Variants in MED23 observed in about 807,000 individuals in gnomAD.
The protein encoded by MED23 is mediator of RNA polymerase II transcription subunit 23.
In MED23, 105 loss-of-function variants were observed where a neutral mutation model predicts 163.9. That is an observed-to-expected ratio of 0.64 (90% CI 0.55 to 0.75). The LOEUF is 0.75. MED23 is among the 30% of genes least tolerant of loss of function. The probability of loss-of-function intolerance (pLI) is 0.00; values close to 1 mark genes in which losing one functional copy is unlikely to be tolerated. For synonymous variants in MED23, 561 were observed against 565.6 expected (o/e 0.99, Z 0.12); for missense variants, 1,054 against 1,649.0 (o/e 0.64, Z 6.25).
At chr6:131,591,732 T>C (rs1774650858) in intron 25 of MED23, 1 of 611,968 alleles carries the variant, frequency 1.6e-6, no homozygotes, top group African/African-American at 1.8e-5. Context: ...TCCATACATG[T>C]ATCTGTCCAG....
In MED23 at chr6:131,591,616, A is replaced by G. The variant is rs1774642981; in HGVS notation, c.3472-89T>C. On this transcript the variant is annotated intron_variant, in intron 25 of 28. Transcript: ENST00000368068. ...AAGTAATAGTGTTTTCTCATTCTTT[A>G]AAGTTTTCTATTTTTCCAGCTTCTG... The G allele has an allele frequency of 1.1e-5, 12 of 1,049,732 alleles. No individual in the cohort carries two copies. In the South Asian group the frequency reaches 1.2e-4, roughly 10 times the overall value. 65.0% of individuals were successfully genotyped at this position (1,049,732 alleles called of 1,614,324 possible).
Position 131,594,278 on chromosome 6 carries a change from T to A in MED23, c.3053A>T (p.Asp1018Val), listed in dbSNP as rs1315854706. The A allele has an allele frequency of 1.2e-6, 2 of 1,614,008 alleles. No individual in the cohort carries two copies. Among genetic ancestry groups the A allele is most frequent in the Admixed American group, 1.7e-5 (1 of 59,988 alleles). ...TLHYYEMHLR[D>V]RAFLKRKLVH... ...GAGTTTTCGTTTGAGAAATGCGCGG[T>A]CTCTCAGGTGCATTTCATAATAGTG... Residue 1018 changes from aspartate (D) to valine (V), a missense_variant, in exon 23 of 29, where the codon GAC becomes GTC. Asp to Val is a radical substitution (Grantham distance 152). This residue lies in a region of MED23 where 362 missense variants were observed against 471.6 expected (regional missense o/e 0.77). Coordinates refer to ENST00000368068, the MANE Select transcript of MED23 (RefSeq NM_004830.4).
At chr6:131,575,516 G>A (rs1356038113) in intron 30 of MED23, among the ~76,000 whole-genome samples, 1 of 152,156 alleles carries the variant, frequency 6.6e-6, no homozygotes, top group Non-Finnish European at 1.5e-5. Context: ...GTCCCTTGCT[G>A]CCAGGGACAG....
chr6:131,580,834 A>G (rs1276596601), intron 30 of MED23, among the ~76,000 whole-genome samples: 2 of 152,212 alleles, frequency 1.3e-5, no homozygotes, highest in Non-Finnish European at 2.9e-5. Flanking sequence ...AAGAGAGATG[A>G]GTGTACAGAA....
intron 1 of MED23, 121 bp downstream of exon 1, chr6:131,627,890 A>C (rs1413679803): frequency 7.4e-7 from 1 of 1,345,704 alleles, no homozygotes; most frequent in African/African-American, 1.4e-5. Context: ...CTCGGTGTCA[A>C]AACAAGGGAA....
chr6:131,600,231 C>T (rs962526210), intron 17 of MED23, 69 bp from the exon 18 acceptor site: 33 of 1,418,004 alleles, frequency 2.3e-5, no homozygotes, highest in African/African-American at 4.3e-5. Context: ...AAGATTATAG[C>T]GAAAATAATA....
At chr6:131,574,852 A>T (rs987960674) in intron 30 of MED23, among the ~76,000 whole-genome samples, 1 of 152,224 alleles carries the variant, frequency 6.6e-6, no homozygotes, top group East Asian at 1.9e-4. Flanking sequence ...GTTAAAAAAA[A>T]GCCCAGAGAG....
chr6:131,597,728 A>G (rs999325407), intron 20 of MED23, among the ~76,000 whole-genome samples: 4 of 152,104 alleles, frequency 2.6e-5, no homozygotes, highest in African/African-American at 9.7e-5. Flanking sequence ...TATTTTATTT[A>G]CTTCTGTACC....
intron 9 of MED23, among the ~76,000 whole-genome samples, 192 bp downstream of exon 9, chr6:131,618,215 G>C (rs551404941): frequency 6.6e-6 from 1 of 152,268 alleles, no homozygotes; most frequent in African/African-American, 2.4e-5. Context: ...GACCACTGGA[G>C]CATAAACACC....
At chr6:131,619,988 G>T in intron 7 of MED23, 92 bp from the exon 8 acceptor site, 2 of 815,710 alleles carry the variant, frequency 2.5e-6, no homozygotes, top group South Asian at 1.4e-5. Flanking sequence ...TATATAAAAT[G>T]AGATAATATA....
At chr6:131,602,697 A>C (rs1775574739) in intron 16 of MED23, among the ~76,000 whole-genome samples, 1 of 152,158 alleles carries the variant, frequency 6.6e-6, no homozygotes, top group South Asian at 2.1e-4. Flanking sequence ...AAGCAAAATC[A>C]ATGTGACATG....
At chr6:131,603,258 G>C in intron 15 of MED23, 54 bp from the exon 16 acceptor site, 1 of 1,549,582 alleles carries the variant, frequency 6.5e-7, no homozygotes, top group Non-Finnish European at 8.9e-7. Context: ...TGCATGAAAA[G>C]ATATTTGAAG....
chr6:131,627,352 G>C (rs754034336), intron 3 of MED23, 44 bp downstream of exon 3: 1 of 1,387,384 alleles, frequency 7.2e-7, no homozygotes, highest in Non-Finnish European at 1.0e-6. Flanking sequence ...AAAAAGAAGA[G>C]GCCAAAAATC....
intron 26 of MED23, among the ~76,000 whole-genome samples, chr6:131,591,091 C>T (rs1385023253): frequency 6.6e-6 from 1 of 151,660 alleles, no homozygotes; most frequent in African/African-American, 2.4e-5. Context: ...AGTGATTCTC[C>T]TGCCTTAGCC....
At chr6:131,622,719 ACTAATAATTATCT>A (rs2114769011) in intron 5 of MED23, among the ~76,000 whole-genome samples, 1 of 152,352 alleles carries the variant, frequency 6.6e-6, no homozygotes, top group Non-Finnish European at 1.5e-5. Context: ...CATGATTTAA[ACTAATAATTATCT>A]GTTAGGTCAT....
intron 3 of MED23, chr6:131,627,087 C>A: frequency 3.6e-6 from 1 of 275,880 alleles, no homozygotes; most frequent in Non-Finnish European, 6.8e-6. Flanking sequence ...CTTAACATAT[C>A]TGTTTTCAAG....
At position 131,586,962 on chromosome 6, in the gene MED23, TA is replaced by T. The variant is rs1386745257; in HGVS notation, c.*716del. ...CCTGCAAAAGCAATTAACTTATTTTTAAAAAAAGAAATTGGAGAATCAACCA... is the reference window on the plus strand; with the variant it reads ...CCTGCAAAAGCAATTAACTTATTTTTAAAAAAGAAATTGGAGAATCAACCA... On this transcript the variant is annotated 3_prime_UTR_variant, in exon 29 of 29. Coordinates refer to ENST00000368068, the MANE Select transcript of MED23 (RefSeq NM_004830.4). 4.0e-6 allele frequency: 6 copies of T among 1,486,832 alleles called. No individual in the cohort carries two copies. Among genetic ancestry groups the T allele is most frequent in the African/African-American group, 1.4e-5 (1 of 70,936 alleles). The allele number at this position is 1,486,832 out of a possible 1,614,324, so 92.1% of individuals were successfully genotyped here. A position where few individuals can be genotyped will look rare whatever the true frequency, so the allele number is the denominator to read the frequency against.
At chr6:131,580,774 A>G (rs1206835577) in intron 30 of MED23, among the ~76,000 whole-genome samples, 1 of 152,218 alleles carries the variant, frequency 6.6e-6, no homozygotes, top group Non-Finnish European at 1.5e-5. Context: ...GATTTTAAGA[A>G]AAATTGAAAG....
At chr6:131,616,719 C>G (rs1776716513) in intron 9 of MED23, among the ~76,000 whole-genome samples, 1 of 152,148 alleles carries the variant, frequency 6.6e-6, no homozygotes, top group South Asian at 2.1e-4. Flanking sequence ...ACTCAGGAGG[C>G]TGAGGTGGGG....
Sources: gnomAD v4.1 joint callset for allele counts (sites outside exome capture counted in the v4.1 genomes callset) on GRCh38, gnomAD v4.1.1 for gene constraint, gnomAD v4.1.1 regional missense constraint, MANE v1.5 for transcripts, NCBI Gene and HGNC (gene_info 2026-07-23, HGNC 2026-07-21) for gene names.